Variants in PUDP observed in about 807,000 individuals in gnomAD.
PUDP encodes pseudouridine-5'-phosphatase.
PUDP carries 8 observed loss-of-function variants against 9.4 expected under a neutral mutation model. The observed-to-expected ratio is 0.85, with a 90% confidence interval of 0.50 to 1.53. The LOEUF is 1.53. Ranked by LOEUF, PUDP falls within the 40% of genes most tolerant of loss-of-function variation. The probability of loss-of-function intolerance (pLI) is 0.00; values close to 1 mark genes in which losing one functional copy is unlikely to be tolerated. For synonymous variants in PUDP, 99 were observed against 80.7 expected (o/e 1.23, Z -1.22); for missense variants, 188 against 189.7 (o/e 0.99, Z 0.05).
At chrX:6,733,484 G>T (rs900767075) in intron 3 of PUDP, among the ~76,000 whole-genome samples, 1 of 111,512 alleles carries the variant, frequency 9.0e-6, no homozygotes, top group African/African-American at 3.3e-5. Context: ...AGAAATGGTA[G>T]CCACTGCAGC....
chrX:6,968,748 T>G (rs1305236671), intron 3 of PUDP, among the ~76,000 whole-genome samples: 1 of 110,769 alleles, frequency 9.0e-6, no homozygotes, highest in Non-Finnish European at 1.9e-5. Flanking sequence ...GCCTCCCCAG[T>G]AGCTGGGACT....
chrX:6,791,267 C>T (rs1602620819), intron 3 of PUDP, among the ~76,000 whole-genome samples: 1 of 98,473 alleles, frequency 1.0e-5, no homozygotes, highest in Non-Finnish European at 2.0e-5. Flanking sequence ...GGATGGGAAG[C>T]GTGCTTGAGC....
At chrX:6,854,022 C>T (rs1012966930) in intron 3 of PUDP, among the ~76,000 whole-genome samples, 1 of 111,786 alleles carries the variant, frequency 8.9e-6, no homozygotes, top group Non-Finnish European at 1.9e-5. Flanking sequence ...TCTCAGCCTA[C>T]TAACGTGCTG....
intron 3 of PUDP, among the ~76,000 whole-genome samples, chrX:6,847,982 T>G (rs954680784): frequency 8.9e-6 from 1 of 112,229 alleles, no homozygotes; most frequent in African/African-American, 3.2e-5. Context: ...GGATCAGGAA[T>G]AAGAGAAACT....
intron 1 of PUDP, among the ~76,000 whole-genome samples, chrX:6,993,847 G>A (rs1929217193): frequency 8.9e-6 from 1 of 111,829 alleles, no homozygotes. Flanking sequence ...CACCCCACAT[G>A]TGCTAGAGGA....
At chrX:6,738,895 CT>C (rs1054466298) in intron 3 of PUDP, among the ~76,000 whole-genome samples, 1 of 111,795 alleles carries the variant, frequency 8.9e-6, no homozygotes, top group African/African-American at 3.3e-5. Flanking sequence ...TGCCTTTCCT[CT>C]TTTTTTCGGT....
chrX:6,794,994 G>T (rs1602622478), intron 3 of PUDP, among the ~76,000 whole-genome samples: 1 of 102,211 alleles, frequency 9.8e-6, no homozygotes. Flanking sequence ...ATTCACATGT[G>T]TGAAAATCTT....
Position 6,794,438 on chromosome X carries a change from T to C in PUDP, c.*248-87972A>G, listed in dbSNP as rs1010916794. On this transcript the variant is annotated intron_variant and NMD_transcript_variant, in intron 3 of 3. Coordinates refer to the PUDP transcript ENST00000655425. Reference sequence around the variant, plus strand: ...TGAATGGAGCTCGCAGGACTGGAAGTTATTCTGGGTGAGTCAGTGAGTAAT... The same window carrying C: ...TGAATGGAGCTCGCAGGACTGGAAGCTATTCTGGGTGAGTCAGTGAGTAAT... Among the ~76,000 whole-genome samples, 12 of 112,079 alleles carry C rather than the reference T, an allele frequency of 1.1e-4. No individual in the cohort carries two copies. The East Asian group carries it at 3.3e-3, about 31-fold the overall frequency.
At chrX:6,992,269 CTTTTT>C (rs750888246) in intron 1 of PUDP, among the ~76,000 whole-genome samples, 1 of 62,600 alleles carries the variant, frequency 1.6e-5, no homozygotes, top group Admixed American at 2.2e-4. Flanking sequence ...TTCAGGGTGT[CTTTTT>C]TTTTTTTTTT....
At chrX:6,850,665 TTATAA>T (rs1036291126) in intron 3 of PUDP, among the ~76,000 whole-genome samples, 4 of 112,678 alleles carry the variant, frequency 3.5e-5, no homozygotes, top group African/African-American at 6.4e-5. Flanking sequence ...CTTTGGAGTC[TTATAA>T]TATATTTGCT....
At chrX:7,090,445 T>C (rs1244234782) in intron 2 of PUDP, among the ~76,000 whole-genome samples, 2 of 111,292 alleles carry the variant, frequency 1.8e-5, no homozygotes, top group South Asian at 3.8e-4. Flanking sequence ...CCCTGTGAAA[T>C]TGAATTCATA....
At chrX:6,814,543 G>C (rs1333849404) in intron 3 of PUDP, among the ~76,000 whole-genome samples, 1 of 111,032 alleles carries the variant, frequency 9.0e-6, no homozygotes, top group Non-Finnish European at 1.9e-5. Flanking sequence ...TAACCAATGG[G>C]CAAATATACC....
At chrX:6,752,147 AC>A (rs1395043181) in intron 3 of PUDP, among the ~76,000 whole-genome samples, 4 of 110,907 alleles carry the variant, frequency 3.6e-5, no homozygotes, top group Non-Finnish European at 7.6e-5. Flanking sequence ...AAGCATTTAA[AC>A]CCCATATCAC....
intron 1 of PUDP, among the ~76,000 whole-genome samples, chrX:7,026,351 C>T (rs1451602836): frequency 8.9e-6 from 1 of 111,906 alleles, no homozygotes; most frequent in Non-Finnish European, 1.9e-5. Flanking sequence ...CTTGGGCCTG[C>T]AATGACAAAG....
At chrX:6,802,543 G>A (rs1289836573) in intron 3 of PUDP, among the ~76,000 whole-genome samples, 2 of 111,235 alleles carry the variant, frequency 1.8e-5, no homozygotes, top group Admixed American at 9.7e-5. Flanking sequence ...GATCCTAGGA[G>A]AGAGAATAGA....
chrX:7,009,879 T>C lies in PUDP; in HGVS notation c.205-31536A>G, dbSNP rs188694948. ...TATATCTAAATAAAAAAGAAAACAT[T>C]CTAGAGGTGCAGAATTCAAGCTAGA... On this transcript the variant is annotated intron_variant and NMD_transcript_variant, in intron 1 of 3. Coordinates refer to the PUDP transcript ENST00000655425. Among the ~76,000 whole-genome samples, 9 of 111,559 alleles carry C rather than the reference T, an allele frequency of 8.1e-5. No homozygotes were observed. In the East Asian group the frequency reaches 2.5e-3, roughly 31 times the overall value.
At chrX:6,878,083 TG>T (rs1160387439) in intron 3 of PUDP, among the ~76,000 whole-genome samples, 1 of 112,424 alleles carries the variant, frequency 8.9e-6, no homozygotes, top group African/African-American at 3.2e-5. Flanking sequence ...TTAAAGCTAT[TG>T]GCATGGTATA....
intron 3 of PUDP, among the ~76,000 whole-genome samples, chrX:6,874,501 C>T (rs58016635): frequency 2.7e-5 from 3 of 112,184 alleles, no homozygotes; most frequent in Non-Finnish European, 3.8e-5. Flanking sequence ...ATTCTGTTAT[C>T]AGTGTAGATG....
intron 3 of PUDP, among the ~76,000 whole-genome samples, chrX:7,062,479 T>TG (rs1930432005): frequency 9.0e-6 from 1 of 111,284 alleles, no homozygotes; most frequent in Admixed American, 9.6e-5. Flanking sequence ...GGAAGGTGTG[T>TG]GTGGGGTGAG....
Sources: allele counts gnomAD v4.1 joint callset (sites outside exome capture counted in the v4.1 genomes callset), GRCh38; gene constraint gnomAD v4.1.1; transcripts MANE v1.5; gene names NCBI Gene and HGNC (gene_info 2026-07-23, HGNC 2026-07-21).